MAGI1: variants seen among roughly 807,000 people sequenced by gnomAD.
The protein encoded by MAGI1 is membrane associated guanylate kinase, WW and PDZ domain containing 1.
A neutral mutation model predicts 139.9 loss-of-function variants in MAGI1; 58 were observed. The observed-to-expected ratio is 0.41, with a 90% CI of 0.34 to 0.52. MAGI1 has a LOEUF of 0.52. MAGI1 is among the 20% of genes least tolerant of loss of function. The probability of loss-of-function intolerance (pLI) is 0.12; values close to 1 mark genes in which losing one functional copy is unlikely to be tolerated. For synonymous variants in MAGI1, 812 were observed against 737.9 expected (o/e 1.10, Z -1.63); for missense variants, 1,874 against 1,901.6 (o/e 0.99, Z 0.27).
At chr3:65,869,463 T>A (rs189595943) in intron 1 of MAGI1, among the ~76,000 whole-genome samples, 1 of 150,064 alleles carries the variant, frequency 6.7e-6, no homozygotes. Flanking sequence ...TGCAGTGGCG[T>A]GATCTCCACT....
chr3:65,636,620 A>AT (rs1321055257), intron 1 of MAGI1, among the ~76,000 whole-genome samples: 1 of 151,552 alleles, frequency 6.6e-6, no homozygotes, highest in African/African-American at 2.4e-5. Flanking sequence ...CTTAATGATC[A>AT]TTTTTTTCTT....
chr3:65,951,096 G>A (rs1372955857), intron 1 of MAGI1, among the ~76,000 whole-genome samples: 1 of 151,968 alleles, frequency 6.6e-6, no homozygotes, highest in African/African-American at 2.4e-5. Flanking sequence ...GAGGGAAAGA[G>A]AGAGAATCTC....
chr3:65,812,468 T>TCTCTCTCACACACACACACA (rs1176899313), intron 1 of MAGI1, among the ~76,000 whole-genome samples: 59 of 89,150 alleles, frequency 6.6e-4, no homozygotes, highest in African/African-American at 1.6e-3. Context: ...TCTCTCTCTC[T>TCTCTCTCACACACACACACA]CACACACACA....
intron 15 of MAGI1, among the ~76,000 whole-genome samples, chr3:65,383,143 T>G (rs1026463610): frequency 1.3e-5 from 2 of 152,164 alleles, no homozygotes; most frequent in Non-Finnish European, 2.9e-5. Context: ...AAGTACTCTC[T>G]GCACACCAGC....
chr3:65,899,784 G>A (rs1185443122), intron 1 of MAGI1, among the ~76,000 whole-genome samples: 12 of 152,002 alleles, frequency 7.9e-5, no homozygotes, highest in Non-Finnish European at 7.4e-5. Context: ...ATTCTGAATG[G>A]GACTTTCAAA....
intron 1 of MAGI1, among the ~76,000 whole-genome samples, chr3:65,991,689 C>G (rs905326358): frequency 1.1e-4 from 16 of 152,142 alleles, no homozygotes; most frequent in Non-Finnish European, 1.9e-4. Flanking sequence ...TGCTTAGACT[C>G]TTCCCTAAAT....
intron 1 of MAGI1, among the ~76,000 whole-genome samples, chr3:66,023,993 G>T (rs143822587): frequency 9.9e-4 from 150 of 152,240 alleles, no homozygotes; most frequent in African/African-American, 3.4e-3. Flanking sequence ...CACCAGCTGG[G>T]CCTCAAATAA....
chr3:65,839,492 G>A (rs987274822), intron 1 of MAGI1, among the ~76,000 whole-genome samples: 7 of 151,926 alleles, frequency 4.6e-5, no homozygotes, highest in East Asian at 1.9e-4. Context: ...GGAAATGACC[G>A]CTCCATGAGT....
rs192823713 is a variant in MAGI1 at position 65,878,821 on chromosome 3, G to A, written c.313+159175C>T. On this transcript the variant is annotated intron_variant, in intron 1 of 22. Transcript: ENST00000402939. ...GGAAGGCTGCCTGGACTGATTTAAC[G>A]ACCATCTCCAACCAGAAGCTGCCTC... Among the ~76,000 whole-genome samples, 39 of 152,234 alleles carry A rather than the reference G, an allele frequency of 2.6e-4. No individual in the cohort carries two copies. In the East Asian group the frequency reaches 5.8e-3, roughly 23 times the overall value.
chr3:65,619,595 G>A (rs1021968814), intron 2 of MAGI1, among the ~76,000 whole-genome samples: 1 of 152,120 alleles, frequency 6.6e-6, no homozygotes, highest in Non-Finnish European at 1.5e-5. Flanking sequence ...TCATCATCAA[G>A]AGAATGCATT....
chr3:65,741,479 CTTTA>C (rs2035265655), intron 1 of MAGI1, among the ~76,000 whole-genome samples: 1 of 152,094 alleles, frequency 6.6e-6, no homozygotes, highest in Admixed American at 6.5e-5. Context: ...TGGCCTATTG[CTTTA>C]TTTATTAAGC....
At chr3:65,490,359 T>A (rs1017020800) in intron 3 of MAGI1, among the ~76,000 whole-genome samples, 1 of 152,198 alleles carries the variant, frequency 6.6e-6, no homozygotes, top group African/African-American at 2.4e-5. Context: ...AGGGCTTGCA[T>A]GCTTGTTAGT....
intron 1 of MAGI1, among the ~76,000 whole-genome samples, chr3:65,952,827 C>T (rs535242364): frequency 6.6e-6 from 1 of 152,238 alleles, no homozygotes; most frequent in South Asian, 2.1e-4. Context: ...AACAAACAAA[C>T]AACAACAAAA....
At chr3:65,990,836 T>C (rs1463444174) in intron 1 of MAGI1, among the ~76,000 whole-genome samples, 5 of 152,124 alleles carry the variant, frequency 3.3e-5, no homozygotes, top group African/African-American at 1.2e-4. Flanking sequence ...GAATCTCAGA[T>C]CTCAGCTGGA....
At chr3:65,713,801 A>G (rs1329243677) in intron 1 of MAGI1, among the ~76,000 whole-genome samples, 5 of 152,226 alleles carry the variant, frequency 3.3e-5, no homozygotes, top group African/African-American at 1.2e-4. Context: ...CATGGTTCCT[A>G]AACATTTACT....
intron 5 of MAGI1, among the ~76,000 whole-genome samples, chr3:65,465,634 G>A (rs1350012702): frequency 6.6e-6 from 1 of 151,884 alleles, no homozygotes; most frequent in African/African-American, 2.4e-5. Flanking sequence ...ACATACATAG[G>A]GTGTCATTTC....
At chr3:65,763,691 A>G (rs1322436143) in intron 1 of MAGI1, among the ~76,000 whole-genome samples, 9 of 152,104 alleles carry the variant, frequency 5.9e-5, no homozygotes, top group Non-Finnish European at 8.8e-5. Context: ...ACTAATGGTA[A>G]CAAAATAGCA....
chr3:65,698,541 G>A (rs1576785709), intron 1 of MAGI1, among the ~76,000 whole-genome samples: 1 of 152,070 alleles, frequency 6.6e-6, no homozygotes, highest in African/African-American at 2.4e-5. Context: ...TAGATCAATG[G>A]AACAGAACAG....
intron 1 of MAGI1, among the ~76,000 whole-genome samples, chr3:65,772,184 AG>A (rs2107947278): frequency 6.6e-6 from 1 of 152,316 alleles, no homozygotes; most frequent in Non-Finnish European, 1.5e-5. Flanking sequence ...CGACAGAGCA[AG>A]ACTCCGTCTC....
Sources: gnomAD v4.1 joint callset for allele counts (sites outside exome capture counted in the v4.1 genomes callset) on GRCh38, gnomAD v4.1.1 for gene constraint, MANE v1.5 for transcripts, NCBI Gene and HGNC (gene_info 2026-07-23, HGNC 2026-07-21) for gene names.